CNTN5: variants seen among roughly 807,000 people sequenced by gnomAD.
The protein encoded by CNTN5 is contactin-5.
Under a neutral mutation model 129.1 loss-of-function variants are expected in CNTN5, and 77 were observed. The ratio of observed to expected loss-of-function variants is 0.60; its 90% CI spans 0.50 to 0.72. CNTN5 has a LOEUF of 0.72. Ranked by LOEUF, CNTN5 falls within the 30% of genes least tolerant of loss-of-function variation. CNTN5 has a pLI of 0.00. For synonymous variants in CNTN5, 509 were observed against 465.6 expected (o/e 1.09, Z -1.20); for missense variants, 1,478 against 1,328.8 (o/e 1.11, Z -1.75).
At chr11:99,383,882 G>A (rs1374183368) in intron 2 of CNTN5, among the ~76,000 whole-genome samples, 1 of 152,140 alleles carries the variant, frequency 6.6e-6, no homozygotes, top group Admixed American at 6.5e-5. Flanking sequence ...GCTGGGTACA[G>A]CACTGCCATG....
chr11:99,344,210 C>T (rs906481101), intron 2 of CNTN5, among the ~76,000 whole-genome samples: 3 of 152,054 alleles, frequency 2.0e-5, no homozygotes, highest in African/African-American at 7.2e-5. Flanking sequence ...ACCGATAGAT[C>T]GATAACTTGC....
intron 11 of CNTN5, 105 bp from the exon 12 acceptor site, chr11:100,071,600 C>G: frequency 1.4e-6 from 1 of 706,560 alleles, no homozygotes; most frequent in East Asian, 2.9e-5. Flanking sequence ...TAATGTTTAA[C>G]TGTATTAATT....
intron 8 of CNTN5, among the ~76,000 whole-genome samples, chr11:99,987,141 G>A (rs1331526397): frequency 6.6e-6 from 1 of 152,008 alleles, no homozygotes. Context: ...TATGCCACCT[G>A]TCACCCACAT....
intron 2 of CNTN5, among the ~76,000 whole-genome samples, chr11:99,361,073 C>A (rs1939077624): frequency 6.6e-6 from 1 of 152,126 alleles, no homozygotes; most frequent in South Asian, 2.1e-4. Context: ...TAAAAAGGAT[C>A]ACCTTTCCTC....
At chr11:100,286,927 G>C (rs1054190714) in intron 18 of CNTN5, among the ~76,000 whole-genome samples, 1 of 152,114 alleles carries the variant, frequency 6.6e-6, no homozygotes, top group African/African-American at 2.4e-5. Flanking sequence ...TGATGGAGCT[G>C]AAAACCAAAG....
chr11:99,749,109 A>G (rs1054795437), intron 3 of CNTN5, among the ~76,000 whole-genome samples: 2 of 111,550 alleles, frequency 1.8e-5, no homozygotes, highest in Non-Finnish European at 3.7e-5. Flanking sequence ...ACTACAGATT[A>G]TCCACATGGG....
At chr11:99,250,089 T>C (rs1862023667) in intron 1 of CNTN5, among the ~76,000 whole-genome samples, 1 of 151,968 alleles carries the variant, frequency 6.6e-6, no homozygotes, top group Admixed American at 6.6e-5. Flanking sequence ...AGGTTCTCAA[T>C]AGGCATCAAA....
intron 2 of CNTN5, among the ~76,000 whole-genome samples, chr11:99,482,508 A>G (rs1945640430): frequency 6.6e-6 from 1 of 152,218 alleles, no homozygotes; most frequent in Non-Finnish European, 1.5e-5. Flanking sequence ...TTGTGAATTT[A>G]GTCAGTTGCT....
In CNTN5 at chr11:100,137,143, A is replaced by ATGTT. The variant is rs551013208; in HGVS notation, c.1581-53981_1581-53978dup. ...TGTTTTTATATTTTACTAAAGAAAGATGTTTTCCATTATCCATTTCTCTTT... is the reference window on the plus strand; with the variant it reads ...TGTTTTTATATTTTACTAAAGAAAGATGTTTGTTTTCCATTATCCATTTCTCTTT... On this transcript the variant is annotated intron_variant, in intron 13 of 24. Transcript: ENST00000524871. Among the ~76,000 whole-genome samples the ATGTT allele has an allele frequency of 1.1e-3, 160 of 152,176 alleles. 6 individuals carry two copies. In the South Asian group the frequency reaches 0.033, roughly 31 times the overall value.
At chr11:99,478,182 C>T (rs567595786) in intron 2 of CNTN5, among the ~76,000 whole-genome samples, 24 of 152,184 alleles carry the variant, frequency 1.6e-4, no homozygotes, top group African/African-American at 5.3e-4. Flanking sequence ...GCTGTGCCTT[C>T]CTCCAGTCTC....
At chr11:100,261,903 C>A (rs141461121) in intron 17 of CNTN5, among the ~76,000 whole-genome samples, 2 of 152,288 alleles carry the variant, frequency 1.3e-5, no homozygotes, top group African/African-American at 4.8e-5. Flanking sequence ...AACTTCATTA[C>A]TAAAACACCA....
At chr11:99,112,298 A>G (rs1409620170) in intron 1 of CNTN5, among the ~76,000 whole-genome samples, 2 of 152,000 alleles carry the variant, frequency 1.3e-5, no homozygotes, top group African/African-American at 2.4e-5. Context: ...ATAAATTTTA[A>G]TGGAAAAATA....
intron 6 of CNTN5, among the ~76,000 whole-genome samples, chr11:99,878,217 T>G (rs909480244): frequency 3.9e-5 from 6 of 152,204 alleles, no homozygotes; most frequent in Non-Finnish European, 8.8e-5. Flanking sequence ...CAGAATTGAC[T>G]GTTGAGAGCC....
chr11:99,030,780 C>CTTTTTTTTT (rs71305325), intron 1 of CNTN5, among the ~76,000 whole-genome samples: 4 of 120,246 alleles, frequency 3.3e-5, no homozygotes, highest in East Asian at 2.5e-4. Flanking sequence ...TGCTAACTCT[C>CTTTTTTTTT]TTTTTTTTTT....
intron 3 of CNTN5, among the ~76,000 whole-genome samples, chr11:99,717,385 A>C (rs1352257850): frequency 6.6e-6 from 1 of 152,102 alleles, no homozygotes; most frequent in Admixed American, 6.6e-5. Flanking sequence ...GTACCTGCTT[A>C]TAGAAAGAAA....
At position 99,239,502 on chromosome 11, in the gene CNTN5, C is replaced by T. The variant is rs372227937; in HGVS notation, c.-209-85844C>T. ...AATTGCTTTTAAAATTGTTGAAGGA[C>T]GGAAAATTACTAGGGGAGGGTGATT... On this transcript the variant is annotated intron_variant, in intron 1 of 24. Transcript: ENST00000524871. Among the ~76,000 whole-genome samples the T allele has an allele frequency of 1.4e-4, 21 of 152,152 alleles. No homozygotes were observed. The East Asian group carries it at 1.5e-3, about 11-fold the overall frequency.
At chr11:99,606,879 A>G (rs893294719) in intron 3 of CNTN5, among the ~76,000 whole-genome samples, 12 of 131,990 alleles carry the variant, frequency 9.1e-5, no homozygotes, top group East Asian at 4.2e-4. Flanking sequence ...TGGTGCTGGG[A>G]AAACTGGCTA....
intron 1 of CNTN5, among the ~76,000 whole-genome samples, chr11:99,191,145 T>C (rs1028343213): frequency 6.6e-6 from 1 of 151,832 alleles, no homozygotes; most frequent in Non-Finnish European, 1.5e-5. Context: ...ACCATATTTA[T>C]AGATTTGCCT....
intron 2 of CNTN5, among the ~76,000 whole-genome samples, chr11:99,383,927 T>G (rs1448275518): frequency 6.6e-6 from 1 of 152,204 alleles, no homozygotes; most frequent in African/African-American, 2.4e-5. Context: ...CTCTTTAAAT[T>G]TCTTTCACAT....
Sources: allele counts gnomAD v4.1 joint callset (sites outside exome capture counted in the v4.1 genomes callset), GRCh38; gene constraint gnomAD v4.1.1; transcripts MANE v1.5; gene names NCBI Gene and HGNC (gene_info 2026-07-23, HGNC 2026-07-21).